EPB41: variants seen among roughly 807,000 people sequenced by gnomAD.
EPB41 encodes the protein erythrocyte membrane protein band 4.1.
Under a neutral mutation model 108.0 loss-of-function variants are expected in EPB41, and 65 were observed. That is an observed-to-expected ratio of 0.60 (90% CI 0.49 to 0.74). EPB41 has a LOEUF of 0.74. Among genes scored for constraint, EPB41 ranks in the 30% least tolerant of loss-of-function variants. The probability of loss-of-function intolerance (pLI) is 0.00; values close to 1 mark genes in which losing one functional copy is unlikely to be tolerated. For synonymous variants in EPB41, 336 were observed against 358.9 expected, an observed-to-expected ratio of 0.94 and a Z score of 0.72; for missense variants, 875 against 1,037.0, an observed-to-expected ratio of 0.84 and a Z score of 2.15.
intron 12 of EPB41, chr1:29,053,592 C>T (rs1644874281): frequency 3.2e-6 from 1 of 308,620 alleles, no homozygotes; most frequent in Admixed American, 4.5e-5. Flanking sequence ...TGGAGTCTCG[C>T]TCTGTCACCC....
At chr1:29,062,345 A>G (rs979552642) in intron 15 of EPB41, among the ~76,000 whole-genome samples, 1 of 152,168 alleles carries the variant, frequency 6.6e-6, no homozygotes, top group Non-Finnish European at 1.5e-5. Flanking sequence ...CATTTGTTCC[A>G]TGAGGTGTGT....
intron 1 of EPB41, among the ~76,000 whole-genome samples, chr1:28,888,891 T>G (rs1246681988): frequency 6.6e-6 from 1 of 151,606 alleles, no homozygotes; most frequent in Non-Finnish European, 1.5e-5. Context: ...CCTCCCAAAG[T>G]GCTGGGATTA....
At chr1:29,019,767 G>A (rs771661121) in intron 7 of EPB41, among the ~76,000 whole-genome samples, 26 of 152,156 alleles carry the variant, frequency 1.7e-4, no homozygotes, top group Non-Finnish European at 3.1e-4. Flanking sequence ...TCAAATGAGA[G>A]AGCTGTAACT....
chr1:28,953,225 G>A (rs1251983464), intron 1 of EPB41, among the ~76,000 whole-genome samples: 1 of 151,754 alleles, frequency 6.6e-6, no homozygotes, highest in East Asian at 1.9e-4. Context: ...TGAAGAAACT[G>A]GATCATTTAT....
chr1:28,934,115 T>A (rs1461130066), intron 1 of EPB41, among the ~76,000 whole-genome samples: 1 of 152,188 alleles, frequency 6.6e-6, no homozygotes, highest in Non-Finnish European at 1.5e-5. Context: ...TTGTTTTTGA[T>A]GATCTTGACA....
At chr1:28,994,860 A>G (rs2096126168) in intron 3 of EPB41, among the ~76,000 whole-genome samples, 2 of 148,724 alleles carry the variant, frequency 1.3e-5, no homozygotes, top group Non-Finnish European at 3.0e-5. Flanking sequence ...GGTTCTCACC[A>G]TGTTGCCCAG....
intron 3 of EPB41, among the ~76,000 whole-genome samples, 173 bp from the exon 4 acceptor site, chr1:28,997,042 C>T (rs1050813968): frequency 6.6e-5 from 10 of 152,202 alleles, no homozygotes; most frequent in Middle Eastern, 3.4e-3. Context: ...GTCCTAGCTA[C>T]TCTGGAGGCT....
At chr1:29,029,360 T>C (rs1394774215) in intron 7 of EPB41, among the ~76,000 whole-genome samples, 2 of 152,160 alleles carry the variant, frequency 1.3e-5, no homozygotes, top group African/African-American at 4.8e-5. Flanking sequence ...TGTCTCCTGT[T>C]GTATACATAT....
intron 16 of EPB41, among the ~76,000 whole-genome samples, chr1:29,081,848 A>AC (rs1272976362): frequency 2.0e-5 from 3 of 151,788 alleles, no homozygotes; most frequent in Non-Finnish European, 4.4e-5. Context: ...AAAAAAAAAA[A>AC]AAAACCTAAC....
At chr1:28,982,222 A>G in intron 1 of EPB41, 1 of 410,020 alleles carries the variant, frequency 2.4e-6, no homozygotes, top group Non-Finnish European at 4.7e-6. Context: ...AAGGACATGA[A>G]CTCATCATTT....
chr1:28,982,377 A>T, intron 1 of EPB41: 2 of 719,484 alleles, frequency 2.8e-6, no homozygotes, highest in South Asian at 2.7e-5. Context: ...GCATTAGGTG[A>T]TTGTAGTTAC....
chr1:29,049,032 T>A (rs1198666556), intron 11 of EPB41, among the ~76,000 whole-genome samples: 1 of 152,138 alleles, frequency 6.6e-6, no homozygotes, highest in African/African-American at 2.4e-5. Context: ...AGATGGTGTA[T>A]CAGGGAAACT....
At chr1:28,996,032 T>C (rs552311532) in intron 3 of EPB41, among the ~76,000 whole-genome samples, 1 of 152,354 alleles carries the variant, frequency 6.6e-6, no homozygotes, top group East Asian at 1.9e-4. Context: ...AGTATTTTCA[T>C]ATATATTTCT....
chr1:29,028,764 G>A (rs1037040034), intron 7 of EPB41, among the ~76,000 whole-genome samples: 4 of 152,070 alleles, frequency 2.6e-5, no homozygotes, highest in South Asian at 2.1e-4. Flanking sequence ...AAAATTCAGC[G>A]GGAGTGGTGG....
chr1:28,915,211 G>C (rs1229199544), intron 1 of EPB41, among the ~76,000 whole-genome samples: 3 of 152,186 alleles, frequency 2.0e-5, no homozygotes, highest in Non-Finnish European at 4.4e-5. Flanking sequence ...GCAGAAGTCA[G>C]GCGGAATCTG....
At chr1:28,899,233 C>T (rs138030214) in intron 1 of EPB41, among the ~76,000 whole-genome samples, 27 of 152,282 alleles carry the variant, frequency 1.8e-4, no homozygotes, top group Admixed American at 1.4e-3. Flanking sequence ...CCATAAAGAT[C>T]GGCAATAATG....
intron 1 of EPB41, among the ~76,000 whole-genome samples, chr1:28,920,220 A>G (rs558354521): frequency 3.3e-5 from 5 of 152,342 alleles, no homozygotes; most frequent in Admixed American, 6.5e-5. Context: ...ACCTAATTCT[A>G]TATTCAATGT....
chr1:28,974,676 A>G (rs555906349), intron 1 of EPB41, among the ~76,000 whole-genome samples: 65 of 152,326 alleles, frequency 4.3e-4, no homozygotes, highest in South Asian at 8.3e-4. Flanking sequence ...ACTGGATGGT[A>G]TGATTGAGCC....
intron 11 of EPB41, among the ~76,000 whole-genome samples, chr1:29,042,746 T>C (rs1437909270): frequency 6.6e-6 from 1 of 152,096 alleles, no homozygotes; most frequent in Non-Finnish European, 1.5e-5. Flanking sequence ...CCCAAAGTGC[T>C]GAGATTATAG....
Sources: gnomAD v4.1 joint callset for allele counts (sites outside exome capture counted in the v4.1 genomes callset) on GRCh38, gnomAD v4.1.1 for gene constraint, MANE v1.5 for transcripts, NCBI Gene and HGNC (gene_info 2026-07-23, HGNC 2026-07-21) for gene names.